The following SRGAP2B variants were observed in gnomAD, a reference collection of about 807,000 sequenced individuals.
SRGAP2B encodes SLIT-ROBO Rho GTPase-activating protein 2B.
Under a neutral mutation model 22.2 loss-of-function variants are expected in SRGAP2B, and 9 were observed. The observed-to-expected ratio is 0.41, with a 90% confidence interval of 0.24 to 0.71. The LOEUF (loss-of-function observed/expected upper bound fraction) is 0.71. Among genes scored for constraint, SRGAP2B ranks in the 30% least tolerant of loss-of-function variants. The pLI is 0.35. For synonymous variants in SRGAP2B, 36 were observed against 87.4 expected (o/e 0.41, Z 3.28); for missense variants, 114 against 235.8 (o/e 0.48, Z 3.38).
intron 2 of SRGAP2B, among the ~76,000 whole-genome samples, chr1:145,019,761 T>C (rs1672659196): frequency 7.0e-6 from 1 of 143,108 alleles, no homozygotes; most frequent in South Asian, 2.2e-4. Context: ...TAGATATAGA[T>C]ATTTACAGAA....
intron 3 of SRGAP2B, among the ~76,000 whole-genome samples, chr1:144,994,731 TAACA>T (rs1415335292): frequency 2.7e-5 from 4 of 149,442 alleles, no homozygotes; most frequent in African/African-American, 1.0e-4. Context: ...TTAAGCAAAC[TAACA>T]TATATGTAAA....
Position 145,038,739 on chromosome 1 carries a change from AG to A in SRGAP2B, c.68-43540del, listed in dbSNP as rs1317643025. ...TCTTCTAAAAATGTACAAACAACAG[AG>A]GTGTGACAGTATGCTGAAAAAAATA... On this transcript the variant is annotated intron_variant, in intron 2 of 9. Transcript: ENST00000612199. 1.5e-3 allele frequency among the ~76,000 whole-genome samples: 220 copies of A among 143,332 alleles called. 4 individuals are homozygous for A. The highest frequency in any genetic ancestry group is 5.7e-3 in the African/African-American group (212 of 37,154). 94.0% of individuals were successfully genotyped at this position (143,332 alleles called of 152,430 possible).
At chr1:145,012,862 A>T (rs1481044694) in intron 2 of SRGAP2B, among the ~76,000 whole-genome samples, 3 of 146,698 alleles carry the variant, frequency 2.0e-5, no homozygotes, top group Non-Finnish European at 3.0e-5. Context: ...AGGCAGGCAG[A>T]TCACTTGAGG....
At chr1:144,917,651 A>C (rs1173041410) in intron 4 of SRGAP2B, among the ~76,000 whole-genome samples, 6 of 145,522 alleles carry the variant, frequency 4.1e-5, no homozygotes, top group African/African-American at 1.7e-4. Flanking sequence ...CTCAACTATT[A>C]TCCCTGTTTA....
chr1:145,088,453 T>TA (rs67689376), intron 2 of SRGAP2B, among the ~76,000 whole-genome samples: 255 of 132,298 alleles, frequency 1.9e-3, no homozygotes, highest in Non-Finnish European at 2.6e-3. Flanking sequence ...CCTAAGACAT[T>TA]AAAAAAAAAA....
rs1370074843 is a variant in SRGAP2B at position 144,905,685 on chromosome 1, A to T, written c.702+174T>A. Among the ~76,000 whole-genome samples, 56 of 149,698 alleles carry T rather than the reference A, an allele frequency of 3.7e-4. 2 individuals are homozygous for T. The highest frequency in any genetic ancestry group is 1.4e-3 in the African/African-American group (55 of 39,450). On this transcript the variant is annotated intron_variant, in intron 6 of 9. Transcript: ENST00000612199. Reference sequence around the variant, plus strand: ...TGGAACCCACGTGCCCAGTTCTTCCAATACCTAGTATTCCTGCCAGGGCAC... The same window carrying T: ...TGGAACCCACGTGCCCAGTTCTTCCTATACCTAGTATTCCTGCCAGGGCAC...
intron 3 of SRGAP2B, among the ~76,000 whole-genome samples, chr1:144,984,545 C>G (rs1207238157): frequency 6.6e-6 from 1 of 150,444 alleles, no homozygotes; most frequent in Non-Finnish European, 1.5e-5. Context: ...CAGGTGCTTT[C>G]CGTCTGTCTC....
intron 3 of SRGAP2B, among the ~76,000 whole-genome samples, chr1:144,988,057 G>C (rs2747598): frequency 3.4e-5 from 5 of 147,454 alleles, no homozygotes; most frequent in African/African-American, 1.3e-4. Context: ...GGGATAATTT[G>C]GAATTTCACA....
chr1:145,084,519 G>A (rs1653211838), intron 2 of SRGAP2B, among the ~76,000 whole-genome samples: 1 of 148,876 alleles, frequency 6.7e-6, no homozygotes, highest in African/African-American at 2.5e-5. Flanking sequence ...TGGGATACTA[G>A]TAACATCTTT....
chr1:144,983,834 C>T (rs1304929875), intron 3 of SRGAP2B, among the ~76,000 whole-genome samples: 1 of 150,386 alleles, frequency 6.6e-6, no homozygotes, highest in Admixed American at 6.6e-5. Context: ...CAACCATCCC[C>T]TCTGTGCACG....
chr1:144,969,808 A>G (rs1286703802), intron 3 of SRGAP2B, among the ~76,000 whole-genome samples: 6 of 150,948 alleles, frequency 4.0e-5, no homozygotes, highest in Non-Finnish European at 7.4e-5. Flanking sequence ...GAAAAAAAAC[A>G]AACAACCCCA....
chr1:144,979,686 A>G (rs1460218055), intron 3 of SRGAP2B, among the ~76,000 whole-genome samples: 2 of 150,176 alleles, frequency 1.3e-5, no homozygotes, highest in African/African-American at 5.0e-5. Flanking sequence ...GTTCATGCTC[A>G]CTTAGTTCAC....
chr1:144,965,766 T>C (rs1307192570), intron 3 of SRGAP2B, among the ~76,000 whole-genome samples: 1 of 141,852 alleles, frequency 7.0e-6, no homozygotes, highest in African/African-American at 2.8e-5. Flanking sequence ...AATGTATAAC[T>C]AGAATAACGA....
At chr1:145,016,843 T>C (rs1672452411) in intron 2 of SRGAP2B, among the ~76,000 whole-genome samples, 2 of 142,770 alleles carry the variant, frequency 1.4e-5, no homozygotes, top group African/African-American at 5.2e-5. Flanking sequence ...AGCACTCAAG[T>C]TTTTTTTTTT....
chr1:144,953,902 G>A (rs1553609816), intron 4 of SRGAP2B, among the ~76,000 whole-genome samples: 3 of 149,226 alleles, frequency 2.0e-5, no homozygotes, highest in South Asian at 2.1e-4. Flanking sequence ...TCCTTCTTGA[G>A]ATAGTCTAAG....
intron 2 of SRGAP2B, among the ~76,000 whole-genome samples, chr1:145,068,927 GTGTGTGTGTGTGTGTGTGTGTA>G (rs1651821074): frequency 6.7e-6 from 1 of 148,212 alleles, no homozygotes; most frequent in Admixed American, 6.8e-5. Context: ...GTGTGTGTGT[GTGTGTGTGTGTGTGTGTGTGTA>G]TGTGTATATA....
intron 2 of SRGAP2B, among the ~76,000 whole-genome samples, chr1:145,041,188 C>T (rs1373764046): frequency 9.1e-6 from 1 of 110,422 alleles, no homozygotes; most frequent in Non-Finnish European, 1.8e-5. Context: ...TATTCACTCA[C>T]CCCCTAGGTT....
chr1:145,090,050 A>T (rs1653829141), intron 2 of SRGAP2B, among the ~76,000 whole-genome samples: 1 of 146,618 alleles, frequency 6.8e-6, no homozygotes, highest in Non-Finnish European at 1.5e-5. Context: ...TGCACTTAAC[A>T]ACCAAACCAA....
intron 2 of SRGAP2B, among the ~76,000 whole-genome samples, chr1:145,058,031 G>A (rs1650585857): frequency 6.9e-6 from 1 of 145,706 alleles, no homozygotes; most frequent in Non-Finnish European, 1.5e-5. Context: ...CCCAAGGAAT[G>A]GAAGAAGTAA....
Sources: gnomAD v4.1 joint callset for allele counts (sites outside exome capture counted in the v4.1 genomes callset) on GRCh38, gnomAD v4.1.1 for gene constraint, MANE v1.5 for transcripts, NCBI Gene and HGNC (gene_info 2026-07-23, HGNC 2026-07-21) for gene names.